The following ADAMTSL1 variants were observed in gnomAD, a reference collection of about 807,000 sequenced individuals.
ADAMTSL1 encodes ADAMTS-like protein 1.
In ADAMTSL1, 126 loss-of-function variants were observed where a neutral mutation model predicts 201.8. That is an observed-to-expected ratio of 0.62 (90% CI 0.54 to 0.72). The LOEUF (loss-of-function observed/expected upper bound fraction) is 0.72, where lower values mean the gene tolerates loss of function less well. ADAMTSL1 is among the 30% of genes least tolerant of loss of function. The pLI, the probability that ADAMTSL1 is intolerant of heterozygous loss-of-function variation, is 0.00. For synonymous variants in ADAMTSL1, 1,121 were observed against 903.4 expected (o/e 1.24, Z -4.32); for missense variants, 2,679 against 2,277.8 (o/e 1.18, Z -3.59).
At chr9:18,203,661 T>G (rs764115806) in intron 2 of ADAMTSL1, among the ~76,000 whole-genome samples, 8 of 152,008 alleles carry the variant, frequency 5.3e-5, no homozygotes, top group African/African-American at 1.2e-4. Flanking sequence ...CAAGTTCACA[T>G]ATAATAAGAC....
At position 18,543,651 on chromosome 9, in the gene ADAMTSL1, A is replaced by T. The variant is rs1685641773; in HGVS notation, c.237+10359A>T. On this transcript the variant is annotated intron_variant, in intron 3 of 28. Transcript: ENST00000380548. ...TTGCAGCAATTACTCTGGGAAAAAA[A>T]ATCCTCATATTTTATGACTAACTGT... is the stretch of plus-strand genomic sequence containing the variant. Among the ~76,000 whole-genome samples the T allele has an allele frequency of 2.0e-5, 3 of 152,326 alleles. No individual in the cohort carries two copies. In the South Asian group the frequency reaches 6.2e-4, roughly 32 times the overall value.
chr9:18,540,484 G>A (rs1820064415), intron 3 of ADAMTSL1, among the ~76,000 whole-genome samples: 1 of 152,148 alleles, frequency 6.6e-6, no homozygotes, highest in South Asian at 2.1e-4. Flanking sequence ...AGTATGTTTG[G>A]AAGGTGAGGC....
At chr9:18,330,669 A>C (rs1396424291) in intron 2 of ADAMTSL1, among the ~76,000 whole-genome samples, 1 of 152,208 alleles carries the variant, frequency 6.6e-6, no homozygotes, top group Non-Finnish European at 1.5e-5. Context: ...CACAGAGTAG[A>C]AAGTGGCAAA....
intron 7 of ADAMTSL1, among the ~76,000 whole-genome samples, chr9:18,649,771 C>G (rs4977506): frequency 0.42 from 64,288 of 151,614 alleles, 13,846 homozygotes; most frequent in East Asian, 0.65. Context: ...AGGAGTACCC[C>G]GCCGTGTGAG....
At chr9:18,347,457 T>C (rs967572966) in intron 2 of ADAMTSL1, among the ~76,000 whole-genome samples, 4 of 152,066 alleles carry the variant, frequency 2.6e-5, no homozygotes, top group African/African-American at 9.7e-5. Flanking sequence ...TGGAGTATCA[T>C]GTCAAAATGA....
At chr9:18,804,509 A>G (rs1822986650) in intron 20 of ADAMTSL1, among the ~76,000 whole-genome samples, 1 of 152,230 alleles carries the variant, frequency 6.6e-6, no homozygotes, top group Non-Finnish European at 1.5e-5. Context: ...GCATGTTAAT[A>G]TAACTATTAT....
intron 2 of ADAMTSL1, among the ~76,000 whole-genome samples, chr9:18,252,375 T>G (rs1383475946): frequency 1.3e-5 from 2 of 152,146 alleles, no homozygotes; most frequent in African/African-American, 4.8e-5. Flanking sequence ...CAGTTGCCCC[T>G]TGTTATCCAT....
intron 15 of ADAMTSL1, among the ~76,000 whole-genome samples, chr9:18,739,895 C>CTGTGTG (rs1487457581): frequency 1.8e-5 from 2 of 109,140 alleles, no homozygotes; most frequent in African/African-American, 7.2e-5. Flanking sequence ...TACATGTCTA[C>CTGTGTG]TATCTGTGTG....
chr9:18,714,609 G>C (rs920387745), intron 14 of ADAMTSL1, among the ~76,000 whole-genome samples: 3 of 143,368 alleles, frequency 2.1e-5, no homozygotes, highest in African/African-American at 7.5e-5. Flanking sequence ...ATAATCAATA[G>C]CTTACCAACC....
chr9:18,589,178 T>C (rs1407851302), intron 4 of ADAMTSL1, among the ~76,000 whole-genome samples: 1 of 152,042 alleles, frequency 6.6e-6, no homozygotes, highest in South Asian at 2.1e-4. Context: ...CACCTGGTCT[T>C]GTTAACAATA....
intron 20 of ADAMTSL1, among the ~76,000 whole-genome samples, chr9:18,802,474 A>G (rs983454197): frequency 1.8e-4 from 28 of 152,318 alleles, no homozygotes; most frequent in Admixed American, 5.2e-4. Context: ...ATCATACAGT[A>G]TATGGTTCTT....
At chr9:18,639,169 C>T (rs1827285747) in intron 6 of ADAMTSL1, 85 bp from the exon 7 acceptor site, 1 of 1,350,730 alleles carries the variant, frequency 7.4e-7, no homozygotes. Flanking sequence ...CCTTACCTAG[C>T]TCTAAACATT....
intron 26 of ADAMTSL1, among the ~76,000 whole-genome samples, chr9:18,898,786 T>G (rs1829821531): frequency 6.6e-6 from 1 of 152,150 alleles, no homozygotes; most frequent in Non-Finnish European, 1.5e-5. Flanking sequence ...AACTAGATAT[T>G]GAAGGAACAC....
chr9:18,161,948 T>C (rs895534704), intron 1 of ADAMTSL1, among the ~76,000 whole-genome samples: 1 of 152,068 alleles, frequency 6.6e-6, no homozygotes, highest in Admixed American at 6.6e-5. Context: ...GATAACCTCA[T>C]TGTGCCCTGC....
intron 15 of ADAMTSL1, among the ~76,000 whole-genome samples, chr9:18,752,646 A>C (rs543915670): frequency 6.6e-6 from 1 of 152,170 alleles, no homozygotes. Flanking sequence ...CACTCAACTC[A>C]TCTGCGTATT....
intron 2 of ADAMTSL1, among the ~76,000 whole-genome samples, chr9:18,435,000 C>T (rs1439841734): frequency 2.0e-5 from 3 of 152,200 alleles, no homozygotes; most frequent in Non-Finnish European, 2.9e-5. Context: ...GGTGCAACAT[C>T]TGGGTCACAA....
At chr9:18,374,591 C>T (rs1404367558) in intron 2 of ADAMTSL1, among the ~76,000 whole-genome samples, 1 of 152,166 alleles carries the variant, frequency 6.6e-6, no homozygotes, top group East Asian at 1.9e-4. Context: ...GTCTCAGCCT[C>T]CCAAAATGCT....
intron 16 of ADAMTSL1, among the ~76,000 whole-genome samples, chr9:18,756,413 T>C (rs898199248): frequency 6.6e-6 from 1 of 151,996 alleles, no homozygotes; most frequent in Non-Finnish European, 1.5e-5. Context: ...TTGGGAAAAA[T>C]TAGCTATTGC....
At chr9:18,306,928 T>C (rs998955535) in intron 2 of ADAMTSL1, among the ~76,000 whole-genome samples, 72 of 152,132 alleles carry the variant, frequency 4.7e-4, no homozygotes, top group African/African-American at 1.6e-3. Context: ...GAAAAAATGT[T>C]AAGGGCAGGA....
Sources: allele counts gnomAD v4.1 joint callset (sites outside exome capture counted in the v4.1 genomes callset), GRCh38; gene constraint gnomAD v4.1.1; transcripts MANE v1.5; gene names NCBI Gene and HGNC (gene_info 2026-07-23, HGNC 2026-07-21).